The following BARD1 variants were observed in gnomAD, a reference collection of about 807,000 sequenced individuals.
BARD1 encodes BRCA1-associated RING domain protein 1.
Under a neutral mutation model 77.0 loss-of-function variants are expected in BARD1, and 73 were observed. That is an observed-to-expected ratio of 0.95 (90% CI 0.79 to 1.15). The LOEUF (loss-of-function observed/expected upper bound fraction) is 1.15, where lower values mean the gene tolerates loss of function less well. Among genes scored for constraint, BARD1 ranks in the 50% most tolerant of loss-of-function variants. The pLI is 0.00. For synonymous variants in BARD1, 384 were observed against 338.0 expected (o/e 1.14, Z -1.49); for missense variants, 993 against 938.8 (o/e 1.06, Z -0.75).
intron 4 of BARD1, among the ~76,000 whole-genome samples, chr2:214,777,323 G>A (rs1167778215): frequency 6.6e-6 from 1 of 152,088 alleles, no homozygotes; most frequent in Non-Finnish European, 1.5e-5. Context: ...TTGGGGCAAG[G>A]TATTATACGA....
At chr2:214,754,241 A>G (rs1293043001) in intron 6 of BARD1, among the ~76,000 whole-genome samples, 1 of 151,940 alleles carries the variant, frequency 6.6e-6, no homozygotes, top group African/African-American at 2.4e-5. Context: ...AACAACATAT[A>G]ATGGCCACAT....
intron 6 of BARD1, among the ~76,000 whole-genome samples, chr2:214,753,155 G>A (rs950606268): frequency 6.6e-6 from 1 of 152,048 alleles, no homozygotes; most frequent in African/African-American, 2.4e-5. Context: ...AGAATGTTAC[G>A]CTGGAAGAGA....
intron 6 of BARD1, 133 bp downstream of exon 6, chr2:214,767,349 T>C (rs1490394150): frequency 1.2e-6 from 1 of 846,666 alleles, no homozygotes; most frequent in Non-Finnish European, 1.9e-6. Context: ...CAGAATGTGA[T>C]GATCACATCT....
At chr2:214,792,841 T>C (rs980344750) in intron 2 of BARD1, among the ~76,000 whole-genome samples, 1 of 152,152 alleles carries the variant, frequency 6.6e-6, no homozygotes, top group African/African-American at 2.4e-5. Context: ...ACCTTCTGTT[T>C]TGTTTTGGGA....
chr2:214,799,504 C>T (rs1220410925), intron 1 of BARD1, among the ~76,000 whole-genome samples: 2 of 152,140 alleles, frequency 1.3e-5, no homozygotes, highest in Non-Finnish European at 2.9e-5. Context: ...CACCTAAATA[C>T]ATTTTTATCT....
intron 3 of BARD1, among the ~76,000 whole-genome samples, 192 bp from the exon 4 acceptor site, chr2:214,781,701 G>C (rs956124339): frequency 1.3e-5 from 2 of 151,972 alleles, no homozygotes; most frequent in African/African-American, 2.4e-5. Flanking sequence ...ATCCGACTTT[G>C]TGCCATATCC....
At chr2:214,774,514 A>G (rs771110612) in intron 4 of BARD1, among the ~76,000 whole-genome samples, 1 of 152,196 alleles carries the variant, frequency 6.6e-6, no homozygotes, top group Non-Finnish European at 1.5e-5. Context: ...AATATTTTGA[A>G]TATCTTTCCT....
intron 1 of BARD1, among the ~76,000 whole-genome samples, chr2:214,798,479 G>C (rs995944507): frequency 6.6e-6 from 1 of 152,058 alleles, no homozygotes; most frequent in Non-Finnish European, 1.5e-5. Flanking sequence ...TCTATTTCGT[G>C]GCAAGCTCCT....
At chr2:214,751,133 ATATATATATATATATATATT>A (rs1559392989) in intron 7 of BARD1, among the ~76,000 whole-genome samples, 28 of 16,290 alleles carry the variant, frequency 1.7e-3, no homozygotes, top group Non-Finnish European at 2.7e-3. Flanking sequence ...ATATATATAT[ATATATATATATATATATATT>A]TTTTTTTTTT....
chr2:214,757,869 T>C (rs535638967), intron 6 of BARD1, among the ~76,000 whole-genome samples: 18 of 151,768 alleles, frequency 1.2e-4, no homozygotes, highest in Non-Finnish European at 1.6e-4. Context: ...AAGAATATCC[T>C]AGCAGACAGA....
intron 9 of BARD1, among the ~76,000 whole-genome samples, chr2:214,740,885 T>A (rs1201391701): frequency 1.8e-4 from 28 of 151,948 alleles, no homozygotes. Context: ...GCCTAATCAA[T>A]CTTAATTTAT....
At chr2:214,763,684 A>G (rs963881092) in intron 6 of BARD1, among the ~76,000 whole-genome samples, 1 of 152,196 alleles carries the variant, frequency 6.6e-6, no homozygotes, top group African/African-American at 2.4e-5. Flanking sequence ...TTATTGAGAA[A>G]AGAGTTCCAG....
At chr2:214,734,712 A>G (rs962004528) in intron 9 of BARD1, among the ~76,000 whole-genome samples, 1 of 152,198 alleles carries the variant, frequency 6.6e-6, no homozygotes. Context: ...TGGTCAAAGG[A>G]GAAAAAGAAA....
chr2:214,753,698 A>T (rs1370544173), intron 6 of BARD1, among the ~76,000 whole-genome samples: 1 of 152,180 alleles, frequency 6.6e-6, no homozygotes, highest in East Asian at 1.9e-4. Flanking sequence ...CTGAGTTCAC[A>T]GACAAGGTCA....
At chr2:214,743,004 A>C (rs1056218345) in intron 9 of BARD1, among the ~76,000 whole-genome samples, 26 of 152,240 alleles carry the variant, frequency 1.7e-4, no homozygotes, top group African/African-American at 6.3e-4. Context: ...AAGGAAAAAG[A>C]AAGTTCAAAA....
intron 6 of BARD1, among the ~76,000 whole-genome samples, chr2:214,766,000 A>C (rs1392122118): frequency 6.6e-6 from 1 of 152,236 alleles, no homozygotes; most frequent in Non-Finnish European, 1.5e-5. Context: ...GTTACCATTG[A>C]AAACTTAATT....
At chr2:214,767,444 G>T in intron 6 of BARD1, 38 bp downstream of exon 6, 6 of 1,586,852 alleles carry the variant, frequency 3.8e-6, no homozygotes, top group Non-Finnish European at 5.2e-6. Context: ...AAGAATATAG[G>T]TCCATTTTAA....
intron 4 of BARD1, among the ~76,000 whole-genome samples, chr2:214,778,676 A>T (rs1297492921): frequency 6.6e-6 from 1 of 152,196 alleles, no homozygotes; most frequent in Non-Finnish European, 1.5e-5. Context: ...ATTAGTTTGC[A>T]TATTGCCTGT....
At position 214,800,296 on chromosome 2, in the gene BARD1, G is replaced by A. The variant is rs150013740; in HGVS notation, c.159-3179C>T. On this transcript the variant is annotated intron_variant, in intron 1 of 10. Coordinates refer to ENST00000260947, the MANE Select transcript of BARD1 (RefSeq NM_000465.4). ...GTGTTGCTGTTAACGGATAAGGAAA[G>A]ATAATGGAAATGTGAATGAGAAGTA... is the stretch of plus-strand genomic sequence containing the variant. Among the ~76,000 whole-genome samples, 724 of 152,348 alleles carry A rather than the reference G, an allele frequency of 4.8e-3. 5 individuals carry two copies. Among genetic ancestry groups the A allele is most frequent in the African/African-American group, 0.016 (664 of 41,588 alleles).
Sources: allele counts gnomAD v4.1 joint callset (sites outside exome capture counted in the v4.1 genomes callset), GRCh38; gene constraint gnomAD v4.1.1; transcripts MANE v1.5; gene names NCBI Gene and HGNC (gene_info 2026-07-23, HGNC 2026-07-21).